FSTL4: variants seen among roughly 807,000 people sequenced by gnomAD.
The protein encoded by FSTL4 is follistatin-related protein 4.
Under a neutral mutation model 78.2 loss-of-function variants are expected in FSTL4, and 28 were observed. The observed-to-expected ratio is 0.36, with a 90% CI of 0.27 to 0.49. FSTL4 has a LOEUF of 0.49. Among genes scored for constraint, FSTL4 ranks in the 20% least tolerant of loss-of-function variants. FSTL4 has a pLI of 0.98. For missense variants in FSTL4, 922 were observed against 1,084.9 expected, an observed-to-expected ratio of 0.85 and a Z score of 2.11; for synonymous variants, 422 against 440.5, an observed-to-expected ratio of 0.96 and a Z score of 0.53.
chr5:133,596,937 G>C (rs1479453148), intron 2 of FSTL4, among the ~76,000 whole-genome samples: 1 of 152,226 alleles, frequency 6.6e-6, no homozygotes, highest in Non-Finnish European at 1.5e-5. Flanking sequence ...CCTGACTGAA[G>C]GGAATGCCCC....
chr5:133,288,579 G>A (rs1753188873), intron 6 of FSTL4, among the ~76,000 whole-genome samples: 2 of 152,248 alleles, frequency 1.3e-5, no homozygotes, highest in Admixed American at 6.5e-5. Flanking sequence ...AATGCTCAGA[G>A]CCCCCAGCAA....
At chr5:133,224,262 G>A (rs1243906996) in intron 10 of FSTL4, 46 bp from the exon 11 acceptor site, 4 of 1,516,794 alleles carry the variant, frequency 2.6e-6, no homozygotes, top group Non-Finnish European at 3.7e-6. Flanking sequence ...ATGGAGTCAA[G>A]GAAAAAGAAG....
At position 133,201,938 on chromosome 5, in the gene FSTL4, G is replaced by A. The variant is rs1205613520; in HGVS notation, c.1821C>T (p.His607=). 7.6e-6 allele frequency: 12 copies of A among 1,587,260 alleles called. No homozygotes were observed. The highest frequency in any genetic ancestry group is 2.2e-5 in the East Asian group (1 of 44,760). The change falls in exon 15 of 16, where the codon CAC becomes CAT. Residue 607 remains histidine, a synonymous_variant. Transcript: ENST00000265342. ...FIPPTNLIIN[H]IRFGFIFNKS... ...GCATCATGGGCCAGTCTCACCTGATGTGGTTGATGATGAGGTTTGTTGGGG... is the reference window on the plus strand; with the variant it reads ...GCATCATGGGCCAGTCTCACCTGATATGGTTGATGATGAGGTTTGTTGGGG...
At chr5:133,397,848 T>C (rs536655035) in intron 4 of FSTL4, among the ~76,000 whole-genome samples, 1 of 152,354 alleles carries the variant, frequency 6.6e-6, no homozygotes, top group South Asian at 2.1e-4. Context: ...AAATAGAGAA[T>C]GAAAGATGGA....
At chr5:133,321,120 TC>T (rs1754040278) in intron 4 of FSTL4, among the ~76,000 whole-genome samples, 1 of 151,938 alleles carries the variant, frequency 6.6e-6, no homozygotes, top group Admixed American at 6.5e-5. Context: ...GCCCAGCAAT[TC>T]CACACAGGTG....
chr5:133,335,831 A>G (rs887579910), intron 4 of FSTL4, among the ~76,000 whole-genome samples: 8 of 152,032 alleles, frequency 5.3e-5, no homozygotes, highest in African/African-American at 1.9e-4. Flanking sequence ...GGACAGGAAG[A>G]GTTTTGCCTT....
the FSTL4 span, among the ~76,000 whole-genome samples, chr5:133,730,711 T>A: frequency 1.3e-5 from 2 of 152,198 alleles, no homozygotes; most frequent in African/African-American, 4.8e-5. Context: ...AGGAGAGGCA[T>A]GCAAAGTTAA....
At chr5:133,767,961 A>AG in the FSTL4 span, among the ~76,000 whole-genome samples, 3 of 152,238 alleles carry the variant, frequency 2.0e-5, no homozygotes, top group Non-Finnish European at 2.9e-5. Context: ...AAAGAGGTCA[A>AG]GGCATGGCCA....
At chr5:133,804,888 G>A in the FSTL4 span, among the ~76,000 whole-genome samples, 1 of 138,124 alleles carries the variant, frequency 7.2e-6, no homozygotes, top group Non-Finnish European at 1.5e-5. Context: ...AGCTTGCAGT[G>A]AGCCAAATCG....
intron 3 of FSTL4, among the ~76,000 whole-genome samples, chr5:133,550,330 A>G (rs1759665906): frequency 6.6e-6 from 1 of 152,238 alleles, no homozygotes; most frequent in South Asian, 2.1e-4. Context: ...TGGTGGATAA[A>G]TGTGATTACT....
intron 3 of FSTL4, among the ~76,000 whole-genome samples, chr5:133,413,149 C>G (rs560549084): frequency 6.6e-6 from 1 of 152,154 alleles, no homozygotes; most frequent in African/African-American, 2.4e-5. Flanking sequence ...CACTTTAACC[C>G]TCCCCATGAA....
At chr5:133,703,782 C>G in the FSTL4 span, among the ~76,000 whole-genome samples, 1 of 152,112 alleles carries the variant, frequency 6.6e-6, no homozygotes, top group Non-Finnish European at 1.5e-5. Flanking sequence ...AAAGTAGGCC[C>G]CTGAACTGCA....
intron 3 of FSTL4, among the ~76,000 whole-genome samples, chr5:133,536,776 A>G (rs1301060321): frequency 7.9e-5 from 12 of 152,290 alleles, no homozygotes; most frequent in African/African-American, 2.9e-4. Flanking sequence ...AGTATTCCAG[A>G]TCTATCTCTT....
chr5:133,581,765 G>A (rs569228996), intron 2 of FSTL4, among the ~76,000 whole-genome samples: 72 of 152,330 alleles, frequency 4.7e-4, no homozygotes, highest in Admixed American at 8.5e-4. Flanking sequence ...CTGGGGGTGG[G>A]ACACAGGCAT....
intron 3 of FSTL4, among the ~76,000 whole-genome samples, chr5:133,455,084 G>A (rs1185925372): frequency 6.6e-6 from 1 of 152,224 alleles, no homozygotes; most frequent in East Asian, 1.9e-4. Context: ...CCATACTAAA[G>A]GAGGAGGGTA....
At chr5:133,479,023 A>G (rs1039457157) in intron 3 of FSTL4, among the ~76,000 whole-genome samples, 1 of 152,210 alleles carries the variant, frequency 6.6e-6, no homozygotes, top group Non-Finnish European at 1.5e-5. Flanking sequence ...GTAAAATAGA[A>G]ATGTCTACTG....
Position 133,464,869 on chromosome 5 carries a change from T to C in FSTL4, c.161-63883A>G, listed in dbSNP as rs1354660571. Among the ~76,000 whole-genome samples, 6 of 152,324 alleles carry C rather than the reference T, an allele frequency of 3.9e-5. No homozygotes were observed. The South Asian group carries it at 8.3e-4, about 21-fold the overall frequency. On this transcript the variant is annotated intron_variant, in intron 3 of 15. Coordinates refer to ENST00000265342, the MANE Select transcript of FSTL4 (RefSeq NM_015082.2). ...CAACTAGTAATTTAAGTGGGACCTT[T>C]CTGTGACCTTCCCTGATAGGAGCAG...
intron 3 of FSTL4, among the ~76,000 whole-genome samples, chr5:133,469,915 C>T (rs72787334): frequency 6.5e-4 from 99 of 151,760 alleles, no homozygotes; most frequent in Non-Finnish European, 1.0e-3. Context: ...AAAATTGAAG[C>T]GCTATATGTG....
the FSTL4 span, among the ~76,000 whole-genome samples, chr5:133,762,679 C>T: frequency 6.6e-6 from 1 of 152,228 alleles, no homozygotes. Context: ...CAGGTTTGCT[C>T]ATGGTCCCAA....
Sources: allele counts gnomAD v4.1 joint callset (sites outside exome capture counted in the v4.1 genomes callset), GRCh38; gene constraint gnomAD v4.1.1; transcripts MANE v1.5; gene names NCBI Gene and HGNC (gene_info 2026-07-23, HGNC 2026-07-21).